PTPN3: variants seen among roughly 807,000 people sequenced by gnomAD.
The protein encoded by PTPN3 is protein tyrosine phosphatase non-receptor type 3, also known as tyrosine-protein phosphatase non-receptor type 3.
Under a neutral mutation model 132.7 loss-of-function variants are expected in PTPN3, and 96 were observed. The ratio of observed to expected loss-of-function variants is 0.72; its 90% CI spans 0.61 to 0.86. The LOEUF (loss-of-function observed/expected upper bound fraction) is 0.86, where lower values mean the gene tolerates loss of function less well. Among genes scored for constraint, PTPN3 ranks in the 40% least tolerant of loss-of-function variants. The pLI is 0.00. For synonymous variants in PTPN3, 398 were observed against 429.0 expected, an observed-to-expected ratio of 0.93 and a Z score of 0.89; for missense variants, 1,125 against 1,159.6, an observed-to-expected ratio of 0.97 and a Z score of 0.43.
chr9:109,499,658 C>T (rs1847828671), upstream of PTPN3, among the ~76,000 whole-genome samples: 1 of 152,210 alleles, frequency 6.6e-6, no homozygotes, highest in Admixed American at 6.5e-5. Flanking sequence ...TCCAGTCGGG[C>T]CTGGGTGCCA....
intron 6 of PTPN3, among the ~76,000 whole-genome samples, chr9:109,448,291 C>T (rs1844995576): frequency 6.6e-6 from 1 of 152,166 alleles, no homozygotes. Flanking sequence ...TTACCTGCTG[C>T]AGTTTCTTCC....
the PTPN3 span, among the ~76,000 whole-genome samples, chr9:109,526,338 G>GT: frequency 7.4e-4 from 110 of 149,022 alleles, no homozygotes; most frequent in Admixed American, 6.7e-4. Context: ...ATTTCAGCAA[G>GT]TTTTTTTTTT....
chr9:109,415,077 ACCATCCATCCATCCAT>A lies in PTPN3; in HGVS notation c.1314-4678_1314-4663del, dbSNP rs201768060. 5.0e-4 allele frequency among the ~76,000 whole-genome samples: 62 copies of A among 125,180 alleles called. 1 individual carries two copies. Among genetic ancestry groups the A allele is most frequent in the African/African-American group, 1.7e-3 (54 of 31,420 alleles). 82.1% of individuals were successfully genotyped at this position (125,180 alleles called of 152,430 possible). On this transcript the variant is annotated intron_variant, in intron 14 of 25. Transcript: ENST00000374541. Reference sequence around the variant, plus strand: ...ATCCGTCCATCCGTCCGTCCATCCAACCATCCATCCATCCATCCATCCATCCATCCATCCATCCATC... The same window carrying A: ...ATCCGTCCATCCGTCCGTCCATCCAACCATCCATCCATCCATCCATCCATC...
At chr9:109,491,499 C>A (rs1003083991) in intron 1 of PTPN3, among the ~76,000 whole-genome samples, 2 of 150,322 alleles carry the variant, frequency 1.3e-5, no homozygotes, top group Non-Finnish European at 3.0e-5. Context: ...TGAATTGTAT[C>A]AAAATAAAAC....
At chr9:109,505,172 C>T in the PTPN3 span, among the ~76,000 whole-genome samples, 1 of 152,306 alleles carries the variant, frequency 6.6e-6, no homozygotes, top group Non-Finnish European at 1.5e-5. Flanking sequence ...CACCAGGTCA[C>T]CATGGGGGAA....
the PTPN3 span, among the ~76,000 whole-genome samples, chr9:109,507,326 T>A: frequency 6.6e-6 from 1 of 152,166 alleles, no homozygotes; most frequent in East Asian, 1.9e-4. Flanking sequence ...CTGCTGGAAG[T>A]CACATCCATG....
chr9:109,493,512 C>T (rs1273908582), intron 1 of PTPN3, among the ~76,000 whole-genome samples: 1 of 152,226 alleles, frequency 6.6e-6, no homozygotes, highest in Non-Finnish European at 1.5e-5. Flanking sequence ...CATGGGACCT[C>T]AATTTTCCAG....
chr9:109,391,187 C>T lies in PTPN3; in HGVS notation c.2057G>A (p.Arg686Gln), dbSNP rs1406587220. The T allele has an allele frequency of 5.0e-6, 8 of 1,613,048 alleles. No homozygotes were observed. The highest frequency in any genetic ancestry group is 1.7e-5 in the Admixed American group (1 of 59,814). ...ATCTTCATTTCCCTGCAATAATACC[C>T]GGGTGGTGTCATCTGCGGGGAAGAG... ...YKDVLPYDTT[R>Q]VLLQGNEDYI... is the part of the protein sequence containing the mutation. The change falls in exon 21 of 26, where the codon CGG (arginine) becomes CAG (glutamine). Residue 686 changes from arginine (R) to glutamine (Q), a missense_variant. By Grantham distance (43) the Arg-to-Gln change is conservative. Transcript: ENST00000374541.
chr9:109,489,469 G>T (rs13284736), intron 1 of PTPN3, among the ~76,000 whole-genome samples: 32,691 of 152,120 alleles, frequency 0.21, 4,065 homozygotes, highest in Non-Finnish European at 0.26. Context: ...TCTCAACCTC[G>T]AAGTCACTCT....
chr9:109,475,961 C>T (rs966593025), intron 1 of PTPN3, among the ~76,000 whole-genome samples: 1 of 152,188 alleles, frequency 6.6e-6, no homozygotes, highest in African/African-American at 2.4e-5. Context: ...AAAATACTCT[C>T]CACTTACCCC....
rs761062460 is a variant in PTPN3, at chr9:109,408,529, G to A, written c.1579-152C>T. On this transcript the variant is annotated intron_variant, in intron 16 of 25. Transcript: ENST00000374541. ...GGAGGCTTCAAACTTCACTATGACT[G>A]ATTCGAATCACACGTCATTTCAGAA... The A allele has an allele frequency of 9.6e-5, 53 of 551,404 alleles. 1 individual carries two copies. In the South Asian group the frequency reaches 9.8e-4, roughly 10 times the overall value. The allele number at this position is 551,404 out of a possible 1,614,324, so 34.2% of individuals were successfully genotyped here.
chr9:109,527,168 G>C, the PTPN3 span, among the ~76,000 whole-genome samples: 2 of 152,166 alleles, frequency 1.3e-5, no homozygotes, highest in African/African-American at 4.8e-5. Context: ...TCATTAAAAT[G>C]AATAACTTCT....
chr9:109,460,586 G>A lies in PTPN3; in HGVS notation c.138+2711C>T, dbSNP rs147970310. Among the ~76,000 whole-genome samples, 9 of 152,150 alleles carry A rather than the reference G, an allele frequency of 5.9e-5. No individual in the cohort carries two copies. In the East Asian group the frequency reaches 1.7e-3, roughly 29 times the overall value. On this transcript the variant is annotated intron_variant, in intron 2 of 25. Transcript: ENST00000374541. ...ACTGTGTTCTGCAACCAAAGGAAGTGGGCTCCAGCCTCAGGGCCTTTGCAC... is the reference window on the plus strand; with the variant it reads ...ACTGTGTTCTGCAACCAAAGGAAGTAGGCTCCAGCCTCAGGGCCTTTGCAC...
intron 25 of PTPN3, among the ~76,000 whole-genome samples, chr9:109,381,258 G>C (rs889659588): frequency 6.6e-6 from 1 of 152,158 alleles, no homozygotes; most frequent in Non-Finnish European, 1.5e-5. Flanking sequence ...GCTCTGGCCT[G>C]CCCGTGGAGG....
At chr9:109,495,787 T>C (rs781231815) in intron 1 of PTPN3, among the ~76,000 whole-genome samples, 3 of 152,198 alleles carry the variant, frequency 2.0e-5, no homozygotes, top group Admixed American at 2.0e-4. Flanking sequence ...TTCTGTATGA[T>C]AAAAGATGAA....
chr9:109,445,352 A>G (rs1844781335), intron 6 of PTPN3, 60 bp from the exon 7 acceptor site: 3 of 1,426,426 alleles, frequency 2.1e-6, no homozygotes, highest in East Asian at 2.3e-5. Flanking sequence ...TTAAACATTG[A>G]CAGATCATGC....
intron 2 of PTPN3, among the ~76,000 whole-genome samples, chr9:109,458,903 C>G (rs1845691963): frequency 6.6e-6 from 1 of 152,152 alleles, no homozygotes; most frequent in Non-Finnish European, 1.5e-5. Flanking sequence ...AGACATTATG[C>G]CAATGTGCTT....
chr9:109,408,277 G>A, intron 17 of PTPN3, 44 bp downstream of exon 17: 1 of 1,446,606 alleles, frequency 6.9e-7, no homozygotes, highest in East Asian at 2.4e-5. Flanking sequence ...GAATTAGGGG[G>A]AAACAAACAA....
intron 10 of PTPN3, among the ~76,000 whole-genome samples, chr9:109,429,875 T>C (rs556494904): frequency 6.6e-6 from 1 of 152,380 alleles, no homozygotes; most frequent in East Asian, 1.9e-4. Flanking sequence ...ATTTTACTAT[T>C]CTCTAGGATC....
Sources: allele counts gnomAD v4.1 joint callset (sites outside exome capture counted in the v4.1 genomes callset), GRCh38; gene constraint gnomAD v4.1.1; transcripts MANE v1.5; gene names NCBI Gene and HGNC (gene_info 2026-07-23, HGNC 2026-07-21).